SPATA18: variants seen among roughly 807,000 people sequenced by gnomAD.
SPATA18 encodes the protein spermatogenesis associated 18, also known as mitochondria-eating protein.
Under a neutral mutation model 68.1 loss-of-function variants are expected in SPATA18, and 54 were observed. The observed-to-expected ratio is 0.79, with a 90% CI of 0.64 to 0.99. The LOEUF (loss-of-function observed/expected upper bound fraction) is 0.99, where lower values mean the gene tolerates loss of function less well. SPATA18 is among the 50% of genes least tolerant of loss of function. The pLI is 0.00. For missense variants in SPATA18, 724 were observed against 681.1 expected (o/e 1.06, Z -0.70); for synonymous variants, 242 against 244.8 (o/e 0.99, Z 0.11).
chr4:52,070,561 C>A (rs112399271), intron 5 of SPATA18, among the ~76,000 whole-genome samples: 1 of 151,604 alleles, frequency 6.6e-6, no homozygotes, highest in African/African-American at 2.4e-5. Context: ...GGAGGGATAG[C>A]ATTAGGAGAT....
chr4:52,089,775 G>C (rs1741771623), intron 11 of SPATA18, among the ~76,000 whole-genome samples: 1 of 152,192 alleles, frequency 6.6e-6, no homozygotes, highest in Non-Finnish European at 1.5e-5. Flanking sequence ...TTGGGGTGGA[G>C]AGTTTTGTAG....
intron 3 of SPATA18, among the ~76,000 whole-genome samples, chr4:52,061,520 T>TAATA (rs1207752522): frequency 7.0e-6 from 1 of 142,844 alleles, no homozygotes; most frequent in Non-Finnish European, 1.5e-5. Context: ...ATAATAATAA[T>TAATA]AACAGAAAGA....
chr4:52,060,132 C>T (rs1283860001), intron 1 of SPATA18, among the ~76,000 whole-genome samples: 1 of 152,204 alleles, frequency 6.6e-6, no homozygotes, highest in African/African-American at 2.4e-5. Flanking sequence ...AAAAAAAAGT[C>T]ATTCAAGAGG....
intron 6 of SPATA18, among the ~76,000 whole-genome samples, chr4:52,074,619 C>T (rs1157434593): frequency 1.3e-5 from 2 of 152,134 alleles, no homozygotes. Context: ...ACTGGTTTGT[C>T]TGAAAGGCTT....
intron 1 of SPATA18, among the ~76,000 whole-genome samples, chr4:52,054,672 T>C (rs1426668954): frequency 6.6e-6 from 1 of 152,050 alleles, no homozygotes; most frequent in Non-Finnish European, 1.5e-5. Flanking sequence ...ACAGCCTCTG[T>C]GGACCGGCCA....
chr4:52,064,249 C>T, intron 4 of SPATA18, among the ~76,000 whole-genome samples: 1 of 151,266 alleles, frequency 6.6e-6, no homozygotes, highest in East Asian at 1.9e-4. Context: ...AAGATGCTTG[C>T]TGCTTTTCCC....
At chr4:52,082,543 C>T (rs889583168) in intron 10 of SPATA18, 33 bp downstream of exon 10, 3 of 1,613,736 alleles carry the variant, frequency 1.9e-6, no homozygotes, top group South Asian at 1.1e-5. Flanking sequence ...CAATTCATCC[C>T]AAGTGTTTGA....
At chr4:52,077,433 C>T (rs979504642) in intron 7 of SPATA18, among the ~76,000 whole-genome samples, 1 of 150,800 alleles carries the variant, frequency 6.6e-6, no homozygotes, top group Non-Finnish European at 1.5e-5. Flanking sequence ...TCCTTCCTTC[C>T]TTCCTTCCCT....
chr4:52,051,928 G>A, intron 1 of SPATA18, 137 bp downstream of exon 1: 1 of 760,234 alleles, frequency 1.3e-6, no homozygotes, highest in Non-Finnish European at 2.3e-6. Context: ...CAGGATCTCA[G>A]CTTTCGACCG....
At chr4:52,066,866 G>T (rs1445427946) in intron 4 of SPATA18, among the ~76,000 whole-genome samples, 4 of 152,168 alleles carry the variant, frequency 2.6e-5, no homozygotes, top group African/African-American at 9.7e-5. Flanking sequence ...GCATTCCATG[G>T]TGCATATGTA....
intron 11 of SPATA18, among the ~76,000 whole-genome samples, chr4:52,092,680 C>T (rs761637642): frequency 3.9e-5 from 6 of 152,200 alleles, no homozygotes; most frequent in South Asian, 2.1e-4. Flanking sequence ...CTCCCCCTTA[C>T]GGACTTTAAT....
chr4:52,081,362 G>A (rs1740902458), intron 9 of SPATA18, among the ~76,000 whole-genome samples: 1 of 152,210 alleles, frequency 6.6e-6, no homozygotes, highest in African/African-American at 2.4e-5. Context: ...CACAGAACAA[G>A]GCTAACCCTT....
chr4:52,053,918 A>G (rs1207408611), intron 1 of SPATA18, among the ~76,000 whole-genome samples: 1 of 152,222 alleles, frequency 6.6e-6, no homozygotes, highest in Non-Finnish European at 1.5e-5. Context: ...TTCAGTCAGA[A>G]GAAGCCAAAG....
chr4:52,086,170 T>G (rs553549497), intron 11 of SPATA18, among the ~76,000 whole-genome samples: 2 of 152,182 alleles, frequency 1.3e-5, no homozygotes, highest in African/African-American at 4.8e-5. Flanking sequence ...GCCTCTAGCA[T>G]GCAGCTGTAG....
rs780049368 is a variant in SPATA18 at position 52,076,881 on chromosome 4, C to G, written c.861C>G (p.Ser287=). ...CCGCTGTCAAGGTCAGGAGACCGTC[C>G]CCAAACCGCTCCAAGCTGTCCAATG... The part of the protein sequence containing the change: ...PSTAVKVRRP[S]PNRSKLSNVA... The change falls in exon 7 of 13, where the codon TCC becomes TCG. Residue 287 remains serine, a synonymous_variant. Transcript: ENST00000295213. 7.4e-6 allele frequency: 12 copies of G among 1,614,094 alleles called. No homozygotes were observed. The South Asian group carries it at 1.3e-4, about 18-fold the overall frequency.
intron 3 of SPATA18, 55 bp from the exon 4 acceptor site, chr4:52,062,165 G>A (rs1027191129): frequency 7.3e-6 from 8 of 1,090,536 alleles, no homozygotes; most frequent in African/African-American, 1.7e-5. Flanking sequence ...ATTCATCCAT[G>A]TCATTTAATG....
intron 4 of SPATA18, among the ~76,000 whole-genome samples, chr4:52,064,860 T>C (rs570870900): frequency 6.6e-6 from 1 of 152,342 alleles, no homozygotes; most frequent in South Asian, 2.1e-4. Flanking sequence ...TTGTTTTCAA[T>C]AGTGGTTGTA....
intron 6 of SPATA18, among the ~76,000 whole-genome samples, chr4:52,075,820 A>G (rs1300709541): frequency 1.3e-5 from 2 of 152,200 alleles, no homozygotes; most frequent in African/African-American, 2.4e-5. Context: ...TGTTAGGATT[A>G]TGGACATGAG....
intron 6 of SPATA18, among the ~76,000 whole-genome samples, chr4:52,072,562 T>C (rs1176004031): frequency 1.3e-5 from 2 of 151,968 alleles, no homozygotes; most frequent in African/African-American, 2.4e-5. Flanking sequence ...ACCACCATGC[T>C]CGGTTAATTT....
Sources: allele counts gnomAD v4.1 joint callset (sites outside exome capture counted in the v4.1 genomes callset), GRCh38; gene constraint gnomAD v4.1.1; transcripts MANE v1.5; gene names NCBI Gene and HGNC (gene_info 2026-07-23, HGNC 2026-07-21).